The following PHACTR1 variants were observed in gnomAD, a reference collection of about 807,000 sequenced individuals.
The protein encoded by PHACTR1 is phosphatase and actin regulator 1.
Under a neutral mutation model 69.2 loss-of-function variants are expected in PHACTR1, and 16 were observed. That is an observed-to-expected ratio of 0.23 (90% confidence interval 0.16 to 0.35). PHACTR1 has a LOEUF of 0.35. Among genes scored for constraint, PHACTR1 ranks in the 10% least tolerant of loss-of-function variants. PHACTR1 has a pLI of 1.00. For missense variants in PHACTR1, 510 were observed against 734.7 expected (o/e 0.69, Z 3.54); for synonymous variants, 312 against 284.5 (o/e 1.10, Z -0.97).
intron 4 of PHACTR1, among the ~76,000 whole-genome samples, chr6:12,755,464 T>C (rs1016639290): frequency 3.3e-5 from 5 of 152,216 alleles, no homozygotes; most frequent in African/African-American, 1.2e-4. Flanking sequence ...CCTGATTTTA[T>C]AGATAGTCTT....
chr6:13,176,000 A>G (rs1382184079), intron 6 of PHACTR1, among the ~76,000 whole-genome samples: 1 of 152,016 alleles, frequency 6.6e-6, no homozygotes, highest in Non-Finnish European at 1.5e-5. Context: ...GTGGAGACAC[A>G]GGGGCCAGTG....
At chr6:12,770,848 A>C (rs1769292478) in intron 4 of PHACTR1, among the ~76,000 whole-genome samples, 1 of 152,192 alleles carries the variant, frequency 6.6e-6, no homozygotes, top group Non-Finnish European at 1.5e-5. Flanking sequence ...CTGGGGACCC[A>C]GTGTGGCTTC....
At chr6:13,276,043 TTATCTC>T (rs982784280) in intron 11 of PHACTR1, 1 of 152,076 alleles carries the variant, frequency 6.6e-6, no homozygotes, top group South Asian at 2.1e-4. Flanking sequence ...GCCCCCCAGT[TTATCTC>T]TACTAGATTA....
intron 4 of PHACTR1, among the ~76,000 whole-genome samples, chr6:12,940,627 G>C (rs114541735): frequency 6.6e-6 from 1 of 152,116 alleles, no homozygotes; most frequent in Non-Finnish European, 1.5e-5. Context: ...ATACATTCTC[G>C]CCTCTGTGTG....
At chr6:12,732,115 G>C (rs1561828602) in intron 3 of PHACTR1, among the ~76,000 whole-genome samples, 1 of 151,866 alleles carries the variant, frequency 6.6e-6, no homozygotes, top group Non-Finnish European at 1.5e-5. Context: ...AGTCTCCACG[G>C]GAGTGTCTTA....
intron 4 of PHACTR1, among the ~76,000 whole-genome samples, chr6:13,028,282 T>C (rs1349681424): frequency 1.3e-5 from 2 of 152,228 alleles, no homozygotes; most frequent in Non-Finnish European, 2.9e-5. Context: ...AAACACACAC[T>C]GAGATTCCTT....
chr6:13,061,459 T>TCAGTGGGAA (rs1409772373), intron 5 of PHACTR1, among the ~76,000 whole-genome samples: 1 of 152,144 alleles, frequency 6.6e-6, no homozygotes, highest in Non-Finnish European at 1.5e-5. Flanking sequence ...TTTAAATTGG[T>TCAGTGGGAA]CAGTGGGAAC....
chr6:13,206,180 G>A, intron 8 of PHACTR1, 44 bp downstream of exon 8: 1 of 1,490,106 alleles, frequency 6.7e-7, no homozygotes, highest in Non-Finnish European at 9.0e-7. Flanking sequence ...AGAGGGGTTG[G>A]CTGGGGAGGG....
chr6:13,193,345 AT>A (rs1763856698), intron 7 of PHACTR1, among the ~76,000 whole-genome samples: 1 of 125,530 alleles, frequency 8.0e-6, no homozygotes, highest in African/African-American at 3.1e-5. Flanking sequence ...CTACCTCTTA[AT>A]AGCTCTCTGT....
At chr6:12,822,220 G>C (rs1358794429) in intron 4 of PHACTR1, among the ~76,000 whole-genome samples, 1 of 152,122 alleles carries the variant, frequency 6.6e-6, no homozygotes, top group South Asian at 2.1e-4. Context: ...TGTGTTTTGA[G>C]AGGAGGAGAT....
chr6:13,077,973 A>G (rs1810788065), intron 5 of PHACTR1, among the ~76,000 whole-genome samples: 1 of 152,064 alleles, frequency 6.6e-6, no homozygotes, highest in Non-Finnish European at 1.5e-5. Context: ...AAAGAAGGGG[A>G]ATCTGCTTAT....
At chr6:12,994,073 C>G (rs1797123296) in intron 4 of PHACTR1, among the ~76,000 whole-genome samples, 1 of 151,890 alleles carries the variant, frequency 6.6e-6, no homozygotes, top group South Asian at 2.1e-4. Context: ...AAAGAAACCA[C>G]TATGAAAAAC....
At chr6:13,207,080 C>T (rs77232314) in intron 8 of PHACTR1, among the ~76,000 whole-genome samples, 1,962 of 152,316 alleles carry the variant, frequency 0.013, 25 homozygotes, top group African/African-American at 0.024. Context: ...CACATGCACA[C>T]GCACATGCAC....
intron 4 of PHACTR1, among the ~76,000 whole-genome samples, chr6:12,915,664 C>T (rs1223266892): frequency 1.3e-5 from 2 of 152,070 alleles, no homozygotes; most frequent in African/African-American, 4.8e-5. Flanking sequence ...TGGAGCTGAG[C>T]TATAATAAAT....
chr6:12,858,547 C>A (rs1780628768), intron 4 of PHACTR1, among the ~76,000 whole-genome samples: 1 of 152,006 alleles, frequency 6.6e-6, no homozygotes, highest in South Asian at 2.1e-4. Context: ...AATCCCCGCA[C>A]TTTGGAAGGC....
At chr6:12,721,073 C>T (rs1220803942) in intron 3 of PHACTR1, among the ~76,000 whole-genome samples, 1 of 152,156 alleles carries the variant, frequency 6.6e-6, no homozygotes, top group African/African-American at 2.4e-5. Flanking sequence ...CCAGCAAAAG[C>T]CCATCCTCTT....
chr6:12,959,609 G>T (rs543578112), intron 4 of PHACTR1, among the ~76,000 whole-genome samples: 1 of 152,314 alleles, frequency 6.6e-6, no homozygotes, highest in African/African-American at 2.4e-5. Context: ...AGCAGAGTGA[G>T]TTCCTTTTAT....
chr6:12,780,048 TA>T (rs1260888556), intron 4 of PHACTR1, among the ~76,000 whole-genome samples: 2 of 152,126 alleles, frequency 1.3e-5, no homozygotes, highest in East Asian at 3.9e-4. Context: ...AGAAATGTAT[TA>T]AGAACTTGTG....
At chr6:13,281,024 A>G (rs958254784) in intron 12 of PHACTR1, 43 of 1,289,512 alleles carry the variant, frequency 3.3e-5, no homozygotes, top group Non-Finnish European at 4.2e-5. Context: ...ATCCTCGCTC[A>G]TTCCCTCTGA....
Sources: gnomAD v4.1 joint callset for allele counts (sites outside exome capture counted in the v4.1 genomes callset) on GRCh38, gnomAD v4.1.1 for gene constraint, MANE v1.5 for transcripts, NCBI Gene and HGNC (gene_info 2026-07-23, HGNC 2026-07-21) for gene names.